The following ARHGEF10 variants were observed in gnomAD, a reference collection of about 807,000 sequenced individuals.
The protein encoded by ARHGEF10 is Rho guanine nucleotide exchange factor (GEF) 10.
Under a neutral mutation model 147.4 loss-of-function variants are expected in ARHGEF10, and 140 were observed. The observed-to-expected ratio is 0.95, with a 90% CI of 0.83 to 1.09. The LOEUF (loss-of-function observed/expected upper bound fraction) is 1.09. ARHGEF10 is among the 50% of genes least tolerant of loss of function. The pLI, the probability that ARHGEF10 is intolerant of heterozygous loss-of-function variation, is 0.00. For synonymous variants in ARHGEF10, 902 were observed against 695.8 expected (o/e 1.30, Z -4.67); for missense variants, 2,222 against 1,752.7 (o/e 1.27, Z -4.78).
chr8:1,932,085 CT>C (rs1360897562), intron 25 of ARHGEF10, among the ~76,000 whole-genome samples: 1 of 152,192 alleles, frequency 6.6e-6, no homozygotes, highest in Non-Finnish European at 1.5e-5. Flanking sequence ...GAGCTCTGAC[CT>C]AGGATTCACA....
At chr8:1,831,642 C>T (rs557083461) in intron 1 of ARHGEF10, among the ~76,000 whole-genome samples, 2 of 152,164 alleles carry the variant, frequency 1.3e-5, no homozygotes, top group East Asian at 1.9e-4. Flanking sequence ...GAGTGGTGAG[C>T]GAGTTGGGAC....
Position 1,876,242 on chromosome 8 carries a change from C to T in ARHGEF10, c.680-329C>T, listed in dbSNP as rs191379100. On this transcript the variant is annotated intron_variant, in intron 7 of 28. Transcript: ENST00000349830. ...GTTTATATAAAGGAAGATTTTTCTT[C>T]TTGTGAAGTTCTCTAAGGCTGACAA... 163 of 374,118 alleles carry T rather than the reference C, an allele frequency of 4.4e-4. 3 individuals are homozygous for T. The highest frequency in any genetic ancestry group is 2.0e-4 in the Non-Finnish European group (40 of 202,324). 23.2% of individuals were successfully genotyped at this position (374,118 alleles called of 1,614,324 possible). A position where few individuals can be genotyped will look rare whatever the true frequency, so the allele number is the denominator to read the frequency against.
At position 1,957,108 on chromosome 8, in the gene ARHGEF10, A is replaced by C. The variant is rs1233197474; in HGVS notation, c.3880A>C (p.Lys1294Gln). The C allele has an allele frequency of 6.2e-6, 10 of 1,613,208 alleles. No homozygotes were observed. Among genetic ancestry groups the C allele is most frequent in the Non-Finnish European group, 8.5e-6 (10 of 1,180,046 alleles). Residue 1294 changes from lysine to glutamine, a missense_variant, in exon 29 of 29, where the codon AAA becomes CAA. Coordinates refer to ENST00000349830, the MANE Select transcript of ARHGEF10 (RefSeq NM_014629.4). Reference protein sequence around the residue: ...LLKDPVSLRSKARRAKKAKAS... With the variant: ...LLKDPVSLRSQARRAKKAKAS... ...GAAGGATCCTGTCTCGCTGAGAAGC[A>C]AAGCACGCCGGGCCAAGAAAGCCAA...
In ARHGEF10 at chr8:1,887,481, A is replaced by C. The variant is rs372082126; in HGVS notation, c.1182+1774A>C. ...GGGTGTGAGGGGTCTGTGAGGAGAC[A>C]CTGAGTGGGGTGTGAGGGGTCTGTG... is the stretch of plus-strand genomic sequence containing the variant. On this transcript the variant is annotated intron_variant, in intron 11 of 28. Transcript: ENST00000349830. 9.1e-3 allele frequency among the ~76,000 whole-genome samples: 1,232 copies of C among 134,718 alleles called. 23 individuals are homozygous for C. The highest frequency in any genetic ancestry group is 0.031 in the African/African-American group (1,144 of 36,362). 88.4% of individuals were successfully genotyped at this position (134,718 alleles called of 152,430 possible).
At chr8:1,888,700 GAGGTTTGTGAGGAGACACTGAATA>G (rs1809036206) in intron 11 of ARHGEF10, among the ~76,000 whole-genome samples, 8 of 86,228 alleles carry the variant, frequency 9.3e-5, no homozygotes, top group Admixed American at 3.4e-4. Flanking sequence ...TGAATAGGGT[GAGGTTTGTGAGGAGACACTGAATA>G]GGGTGAGGTT....
At chr8:1,923,438 T>A in intron 19 of ARHGEF10, 30 bp from the exon 20 acceptor site, 1 of 1,614,174 alleles carries the variant, frequency 6.2e-7, no homozygotes, top group Non-Finnish European at 8.5e-7. Context: ...TTAAACACTT[T>A]TGAAATGTGC....
At chr8:1,889,878 T>TTTGTGAGGAGACCCTGAGTGTGGTGAGGG (rs1563239844) in intron 11 of ARHGEF10, among the ~76,000 whole-genome samples, 1 of 125,686 alleles carries the variant, frequency 8.0e-6, no homozygotes, top group African/African-American at 3.4e-5. Context: ...GTGGTGAGGG[T>TTTGTGAGGAGACCCTGAGTGTGGTGAGGG]TTGTGAGGAG....
chr8:1,896,847 G>A (rs998666854), intron 14 of ARHGEF10, among the ~76,000 whole-genome samples: 1 of 152,190 alleles, frequency 6.6e-6, no homozygotes, highest in African/African-American at 2.4e-5. Flanking sequence ...CCTGGAGCGG[G>A]CCCTACCCGA....
intron 2 of ARHGEF10, among the ~76,000 whole-genome samples, chr8:1,856,636 C>G (rs932821172): frequency 6.6e-6 from 1 of 152,166 alleles, no homozygotes; most frequent in Non-Finnish European, 1.5e-5. Context: ...GGGTTGCTCC[C>G]TAGCAGGGCT....
intron 1 of ARHGEF10, among the ~76,000 whole-genome samples, chr8:1,826,861 C>A (rs995476697): frequency 2.6e-5 from 4 of 152,168 alleles, no homozygotes; most frequent in African/African-American, 9.7e-5. Flanking sequence ...AGGTAAGTGG[C>A]GTGAAATAAG....
intron 25 of ARHGEF10, among the ~76,000 whole-genome samples, chr8:1,929,960 G>C (rs1585579427): frequency 6.6e-6 from 1 of 152,278 alleles, no homozygotes; most frequent in East Asian, 1.9e-4. Context: ...CAGCCGCTGG[G>C]GGTGGGCAGC....
At position 1,923,077 on chromosome 8, in the gene ARHGEF10, C is replaced by T; in HGVS notation, c.2257C>T (p.Gln753Ter). The change falls in exon 19 of 29, where the codon CAG (glutamine) becomes TAG (stop). Residue 753 changes from glutamine to a stop codon, truncating the protein, a stop_gained and splice_region_variant. Transcript: ENST00000349830. LOFTEE classifies it high-confidence loss of function. ...QLIGNLKGNY[Q>*]NLNQSVAHDW... is the part of the protein sequence containing the mutation. ...GATAGGAAACCTTAAAGGAAACTAT[C>T]AGGTAACAATTGAAGCAATTGGATT... 6.3e-7 allele frequency: 1 copy of T among 1,596,000 alleles called. No individual in the cohort carries two copies. Among genetic ancestry groups the T allele is most frequent in the Non-Finnish European group, 8.6e-7 (1 of 1,164,518 alleles).
rs189151230 is a variant in ARHGEF10, at chr8:1,909,489, C to T, written c.2143+19C>T. 2 of 1,613,308 alleles carry T rather than the reference C, an allele frequency of 1.2e-6. No homozygotes were observed. Among genetic ancestry groups the T allele is most frequent in the East Asian group, 4.5e-5 (2 of 44,878 alleles). ...AAACCAAGTAAGTGATGCTTTCTCT[C>T]ACGTTCGTGCCGTGGGGCCAGGGTA... On this transcript the variant is annotated intron_variant, in intron 18 of 28. Coordinates refer to ENST00000349830, the MANE Select transcript of ARHGEF10 (RefSeq NM_014629.4).
At chr8:1,839,553 G>T (rs1037132772) in intron 1 of ARHGEF10, among the ~76,000 whole-genome samples, 1 of 141,372 alleles carries the variant, frequency 7.1e-6, no homozygotes. Flanking sequence ...TGTGGAAGCT[G>T]TCTGGTGTGG....
rs897974398 is a variant in ARHGEF10 at position 1,867,553 on chromosome 8, G to A, written c.622+951G>A. On this transcript the variant is annotated intron_variant, in intron 6 of 28. Transcript: ENST00000349830. ...ATTAAAGCGAGCGCATTTCCAACAC[G>A]CGGCTCCAGCTTCCGTACAATTCAG... Among the ~76,000 whole-genome samples, 10 of 152,280 alleles carry A rather than the reference G, an allele frequency of 6.6e-5. No homozygotes were observed. The South Asian group carries it at 1.7e-3, about 25-fold the overall frequency.
At chr8:1,921,172 A>T (rs1195631751) in intron 18 of ARHGEF10, among the ~76,000 whole-genome samples, 2 of 152,206 alleles carry the variant, frequency 1.3e-5, no homozygotes, top group African/African-American at 2.4e-5. Flanking sequence ...CAGGCTTACC[A>T]TGTTCATAAA....
At chr8:1,902,157 G>T (rs1019022920) in intron 15 of ARHGEF10, among the ~76,000 whole-genome samples, 2 of 148,798 alleles carry the variant, frequency 1.3e-5, no homozygotes, top group South Asian at 2.2e-4. Flanking sequence ...CTCACCCCCC[G>T]CCCCGCAACA....
At chr8:1,897,857 T>G (rs1159470929) in intron 14 of ARHGEF10, among the ~76,000 whole-genome samples, 2 of 152,148 alleles carry the variant, frequency 1.3e-5, no homozygotes, top group Non-Finnish European at 2.9e-5. Context: ...CCCATTTCAT[T>G]GCTCCAGGAC....
At chr8:1,907,218 A>G (rs892844445) in intron 17 of ARHGEF10, among the ~76,000 whole-genome samples, 5 of 152,184 alleles carry the variant, frequency 3.3e-5, no homozygotes, top group African/African-American at 1.2e-4. Flanking sequence ...TGTGGAGACT[A>G]AAGGTGTTTA....
Sources: gnomAD v4.1 joint callset for allele counts (sites outside exome capture counted in the v4.1 genomes callset) on GRCh38, gnomAD v4.1.1 for gene constraint, MANE v1.5 for transcripts, NCBI Gene and HGNC (gene_info 2026-07-23, HGNC 2026-07-21) for gene names.